The following RPAP1 variants were observed in gnomAD, a reference collection of about 807,000 sequenced individuals.
RPAP1 encodes RNA polymerase II associated protein 1, also known as RNA polymerase II-associated protein 1.
In RPAP1, 109 loss-of-function variants were observed where a neutral mutation model predicts 142.4. That is an observed-to-expected ratio of 0.77 (90% CI 0.66 to 0.90). The LOEUF (loss-of-function observed/expected upper bound fraction) is 0.90. Ranked by LOEUF, RPAP1 falls within the 40% of genes least tolerant of loss-of-function variation. The pLI is 0.00. For synonymous variants in RPAP1, 704 were observed against 738.9 expected (o/e 0.95, Z 0.77); for missense variants, 1,546 against 1,751.7 (o/e 0.88, Z 2.10).
Position 41,517,303 on chromosome 15 carries a change from T to G in RPAP1, c.*239A>C, listed in dbSNP as rs1168136433. 5.1e-6 allele frequency: 2 copies of G among 394,618 alleles called. No individual in the cohort carries two copies. Among genetic ancestry groups the G allele is most frequent in the Non-Finnish European group, 4.5e-6 (1 of 222,748 alleles). 24.4% of individuals were successfully genotyped at this position (394,618 alleles called of 1,614,324 possible). On this transcript the variant is annotated 3_prime_UTR_variant, in exon 25 of 25. Coordinates refer to ENST00000304330, the MANE Select transcript of RPAP1 (RefSeq NM_015540.4). Reference sequence around the variant, plus strand: ...GTTTGCCCTGTCCCCAAAGAGCGGGTAAATAGCTAAGCCACTCTTCACTCC... The same window carrying G: ...GTTTGCCCTGTCCCCAAAGAGCGGGGAAATAGCTAAGCCACTCTTCACTCC...
chr15:41,529,323 A>G (rs2051824738), intron 9 of RPAP1, 147 bp downstream of exon 9: 2 of 616,608 alleles, frequency 3.2e-6, no homozygotes, highest in Non-Finnish European at 5.8e-6. Flanking sequence ...CCAGAGCGAG[A>G]TTCTGTCTCC....
chr15:41,517,581 C>T lies in RPAP1; in HGVS notation c.4143G>A (p.Leu1381=), dbSNP rs764958404. The T allele has an allele frequency of 1.3e-6, 2 of 1,598,678 alleles. No individual in the cohort carries two copies. Among genetic ancestry groups the T allele is most frequent in the East Asian group, 4.5e-5 (2 of 44,740 alleles). Residue 1381 remains leucine (L), a synonymous_variant, in exon 25 of 25, where the codon CTG becomes CTA. Coordinates refer to ENST00000304330, the MANE Select transcript of RPAP1 (RefSeq NM_015540.4). The part of the protein sequence containing the change: ...PPLRQHYLQR[L]TSTVLQNGVS... ...CCCCATTTTGGAGCACTGTTGAAGTCAGTCTCTGGAGGTAGTGCTGACGCA... is the reference window on the plus strand; with the variant it reads ...CCCCATTTTGGAGCACTGTTGAAGTTAGTCTCTGGAGGTAGTGCTGACGCA...
chr15:41,534,902 T>C lies in RPAP1; in HGVS notation c.575A>G (p.Asn192Ser), dbSNP rs141372921. Reference sequence around the variant, plus strand: ...GCTCCCAGGAAGCTGGCAGCCCTGGTTCCTAGGAGTGGGTGTCTCACAGGT... The same window carrying C: ...GCTCCCAGGAAGCTGGCAGCCCTGGCTCCTAGGAGTGGGTGTCTCACAGGT... Reference protein sequence around the residue: ...AVTCETPTPRNQGCQLPGSSH... With the variant: ...AVTCETPTPRSQGCQLPGSSH... Residue 192 changes from asparagine to serine, a missense_variant, in exon 6 of 25, where the codon AAC becomes AGC. Physicochemically the swap from Asn to Ser is conservative, Grantham distance 46 (BLOSUM62 1). This residue lies in a region of RPAP1 where 1,333 missense variants were observed against 1,486.6 expected (regional missense o/e 0.90). Coordinates refer to ENST00000304330, the MANE Select transcript of RPAP1 (RefSeq NM_015540.4). 47 of 1,614,064 alleles carry C rather than the reference T, an allele frequency of 2.9e-5. No individual in the cohort carries two copies. The East Asian group carries it at 6.2e-4, about 21-fold the overall frequency.
chr15:41,541,138 T>C (rs1374620960), intron 1 of RPAP1, among the ~76,000 whole-genome samples: 3 of 151,954 alleles, frequency 2.0e-5, no homozygotes, highest in Non-Finnish European at 4.4e-5. Context: ...AAGCAGGGAA[T>C]AGGGCCGGGC....
chr15:41,535,173 A>G (rs2051894748), intron 5 of RPAP1, among the ~76,000 whole-genome samples: 1 of 152,188 alleles, frequency 6.6e-6, no homozygotes, highest in Non-Finnish European at 1.5e-5. Flanking sequence ...GACTCCTCTT[A>G]GATATCTAGG....
intron 6 of RPAP1, among the ~76,000 whole-genome samples, chr15:41,531,556 A>C (rs2051847463): frequency 1.3e-5 from 2 of 150,190 alleles, no homozygotes; most frequent in Non-Finnish European, 3.0e-5. Flanking sequence ...AGGCATTTAC[A>C]GAAAGAATTT....
chr15:41,531,627 A>AT (rs150550154), intron 6 of RPAP1, among the ~76,000 whole-genome samples: 57 of 22,020 alleles, frequency 2.6e-3, no homozygotes, highest in East Asian at 0.025. Flanking sequence ...ATATATATAT[A>AT]TTTTTTTTTT....
chr15:41,536,108 C>T (rs2051903649), intron 4 of RPAP1, 21 bp downstream of exon 4: 5 of 1,603,704 alleles, frequency 3.1e-6, no homozygotes, highest in Non-Finnish European at 4.3e-6. Context: ...CTGAGCACCA[C>T]CTAAGCTTAC....
At chr15:41,542,449 A>AT (rs1421217629) in intron 1 of RPAP1, among the ~76,000 whole-genome samples, 1 of 152,222 alleles carries the variant, frequency 6.6e-6, no homozygotes, top group Non-Finnish European at 1.5e-5. Context: ...GAAAACTTAG[A>AT]TAAGTAGAGA....
chr15:41,521,976 G>T, intron 20 of RPAP1, 96 bp from the exon 21 acceptor site: 1 of 1,554,754 alleles, frequency 6.4e-7, no homozygotes, highest in Non-Finnish European at 8.8e-7. Flanking sequence ...GAAGGGCAGA[G>T]GTCCAGGGCA....
intron 22 of RPAP1, among the ~76,000 whole-genome samples, chr15:41,519,191 A>G (rs559461793): frequency 1.3e-5 from 2 of 152,140 alleles, no homozygotes; most frequent in Non-Finnish European, 2.9e-5. Flanking sequence ...TCACGCAGCC[A>G]TAACACAGTA....
At chr15:41,527,836 G>A (rs763821680) in intron 11 of RPAP1, 24 bp downstream of exon 11, 11 of 1,613,424 alleles carry the variant, frequency 6.8e-6, no homozygotes, top group Non-Finnish European at 8.5e-6. Context: ...CCCAGCCCAA[G>A]CCCCATTCCT....
chr15:41,522,933 C>A lies in RPAP1; in HGVS notation c.2574G>T (p.Leu858=). ...LRHCSLLCNP[L]SCVPALEAPP... The stretch of plus-strand genomic sequence containing the variant: ...GAGCTTCAAGGGCTGGCACACAGGA[C>A]AGCGGGTTGCAGAGAAGGGAGCAGT... The change falls in exon 19 of 25, where the codon CTG becomes CTT. Residue 858 remains leucine (L), a synonymous_variant. Coordinates refer to ENST00000304330, the MANE Select transcript of RPAP1 (RefSeq NM_015540.4). 1.3e-6 allele frequency: 2 copies of A among 1,552,974 alleles called. No homozygotes were observed. The highest frequency in any genetic ancestry group is 1.7e-6 in the Non-Finnish European group (2 of 1,159,584).
At chr15:41,536,849 A>G (rs1248990376) in intron 2 of RPAP1, 96 bp downstream of exon 2, 1 of 1,465,028 alleles carries the variant, frequency 6.8e-7, no homozygotes, top group African/African-American at 1.4e-5. Flanking sequence ...TGTCTGAAAT[A>G]ATAATGATGT....
Position 41,531,217 on chromosome 15 carries a change from A to G in RPAP1, c.764-15T>C, listed in dbSNP as rs1012367300. The G allele has an allele frequency of 6.2e-7, 1 of 1,600,604 alleles. No individual in the cohort carries two copies. The highest frequency in any genetic ancestry group is 1.1e-5 in the South Asian group (1 of 90,724). ...CAAGCTGGGGTCTAGAGGCGAAGGT[A>G]GAGGGGAGAGTGAGTGAGGGTAGAT... is the stretch of plus-strand genomic sequence containing the variant. On this transcript the variant is annotated splice_polypyrimidine_tract_variant and intron_variant, in intron 6 of 24. Coordinates refer to ENST00000304330, the MANE Select transcript of RPAP1 (RefSeq NM_015540.4).
At chr15:41,535,052 T>A in intron 5 of RPAP1, 117 bp from the exon 6 acceptor site, 1 of 940,444 alleles carries the variant, frequency 1.1e-6, no homozygotes, top group Non-Finnish European at 1.6e-6. Context: ...CAAACTTTCC[T>A]CAGAGTGGAG....
Position 41,534,910 on chromosome 15 carries a change from A to C in RPAP1, c.567T>G (p.Thr189=). The C allele has an allele frequency of 6.2e-7, 1 of 1,614,120 alleles. No individual in the cohort carries two copies. The highest frequency in any genetic ancestry group is 8.5e-7 in the Non-Finnish European group (1 of 1,180,008). ...GAAGCTGGCAGCCCTGGTTCCTAGG[A>C]GTGGGTGTCTCACAGGTCACGGCAC... ...PEGAVTCETP[T]PRNQGCQLPG... is the part of the protein sequence containing the mutation. The change falls in exon 6 of 25, where the codon ACT becomes ACG. Residue 189 remains threonine (T), a synonymous_variant. Coordinates refer to ENST00000304330, the MANE Select transcript of RPAP1 (RefSeq NM_015540.4).
intron 5 of RPAP1, 80 bp downstream of exon 5, chr15:41,535,432 G>A: frequency 1.3e-6 from 2 of 1,504,468 alleles, no homozygotes; most frequent in Non-Finnish European, 1.8e-6. Context: ...ATTTGAGGCA[G>A]GAAGACATAT....
Position 41,522,905 on chromosome 15 carries a change from G to T in RPAP1, c.2602C>A (p.Pro868Thr), listed in dbSNP as rs1206189974. Residue 868 changes from proline to threonine, a missense_variant, in exon 19 of 25, where the codon CCC (proline) becomes ACC (threonine). Physicochemically the swap from Pro to Thr is conservative, Grantham distance 38. Coordinates refer to ENST00000304330, the MANE Select transcript of RPAP1 (RefSeq NM_015540.4). The stretch of plus-strand genomic sequence containing the variant: ...GAGCAGCCCAGTGACACGAGGCTGG[G>T]GGGAGCTTCAAGGGCTGGCACACAG... ...LSCVPALEAP[P>T]SLVSLGCSGG... 6.4e-7 allele frequency: 1 copy of T among 1,569,060 alleles called. No homozygotes were observed. The highest frequency in any genetic ancestry group is 8.6e-7 in the Non-Finnish European group (1 of 1,166,394).
Sources: allele counts gnomAD v4.1 joint callset (sites outside exome capture counted in the v4.1 genomes callset), GRCh38; gene constraint gnomAD v4.1.1; regional missense constraint gnomAD v4.1.1; transcripts MANE v1.5; gene names NCBI Gene and HGNC (gene_info 2026-07-23, HGNC 2026-07-21).